MTUS2: variants seen among roughly 807,000 people sequenced by gnomAD.
MTUS2 encodes microtubule associated scaffold protein 2, also known as microtubule-associated tumor suppressor candidate 2.
MTUS2 carries 40 observed loss-of-function variants against 114.1 expected under a neutral mutation model. The observed-to-expected ratio is 0.35, with a 90% confidence interval of 0.27 to 0.46. The LOEUF (loss-of-function observed/expected upper bound fraction) is 0.46, where lower values mean the gene tolerates loss of function less well. Ranked by LOEUF, MTUS2 falls within the 20% of genes least tolerant of loss-of-function variation. The pLI, the probability that MTUS2 is intolerant of heterozygous loss-of-function variation, is 1.00. For synonymous variants in MTUS2, 688 were observed against 672.0 expected (o/e 1.02, Z -0.37); for missense variants, 1,679 against 1,705.4 (o/e 0.98, Z 0.27).
chr13:29,148,154 C>T (rs1049629362), intron 5 of MTUS2, among the ~76,000 whole-genome samples: 2 of 149,970 alleles, frequency 1.3e-5, no homozygotes, highest in Non-Finnish European at 3.0e-5. Flanking sequence ...GAGATGGTAT[C>T]GTATTGTGGT....
At chr13:29,271,094 T>A (rs1013038665) in intron 5 of MTUS2, among the ~76,000 whole-genome samples, 2 of 152,236 alleles carry the variant, frequency 1.3e-5, no homozygotes, top group Admixed American at 6.5e-5. Context: ...TTAAGCATCC[T>A]TCTAGTCTAT....
intron 6 of MTUS2, among the ~76,000 whole-genome samples, chr13:29,312,865 G>T (rs1339049193): frequency 6.6e-6 from 1 of 152,100 alleles, no homozygotes; most frequent in Non-Finnish European, 1.5e-5. Context: ...TTTACAACAT[G>T]CCTGTTTATT....
chr13:28,911,684 A>G (rs1203779542), intron 2 of MTUS2, among the ~76,000 whole-genome samples: 1 of 151,910 alleles, frequency 6.6e-6, no homozygotes, highest in Non-Finnish European at 1.5e-5. Flanking sequence ...TTGACTTTTT[A>G]ATAATTGTCA....
At chr13:28,914,513 G>A (rs1880636328) in intron 2 of MTUS2, among the ~76,000 whole-genome samples, 1 of 151,860 alleles carries the variant, frequency 6.6e-6, no homozygotes, top group Non-Finnish European at 1.5e-5. Context: ...ACTTCTGATT[G>A]TGTGATCAAT....
Position 29,439,991 on chromosome 13 carries a change from T to C in MTUS2, c.3126T>C (p.Ser1042=), listed in dbSNP as rs758810996. The C allele has an allele frequency of 6.3e-7, 1 of 1,583,358 alleles. No individual in the cohort carries two copies. Among genetic ancestry groups the C allele is most frequent in the Non-Finnish European group, 8.6e-7 (1 of 1,162,712 alleles). ...ATQHFFRKNE[S]ALVKEKELSI... ...CGTTTTTGTTTTTTCAGAATGAAAG[T>C]GCCCTTGTGAAAGAAAAAGAGCTGT... The change falls in exon 9 of 16, where the codon AGT becomes AGC. Residue 1042 remains serine (S), a synonymous_variant. Coordinates refer to ENST00000612955, the MANE Select transcript of MTUS2 (RefSeq NM_001033602.4).
chr13:28,870,216 G>A (rs1330331282), intron 2 of MTUS2, among the ~76,000 whole-genome samples: 6 of 152,048 alleles, frequency 3.9e-5, no homozygotes, highest in African/African-American at 1.2e-4. Context: ...TTAGTAAAAA[G>A]GTGTGTGAAA....
chr13:29,064,911 G>A (rs1030781745), intron 4 of MTUS2, among the ~76,000 whole-genome samples: 2 of 152,172 alleles, frequency 1.3e-5, no homozygotes, highest in African/African-American at 4.8e-5. Context: ...GTTTGCTAAG[G>A]AGAGTGACCT....
At chr13:29,348,059 T>C (rs1265626100) in intron 7 of MTUS2, among the ~76,000 whole-genome samples, 2 of 151,618 alleles carry the variant, frequency 1.3e-5, no homozygotes, top group African/African-American at 2.4e-5. Context: ...TCCTATACTT[T>C]AGGGATTTTT....
At chr13:29,280,926 A>G (rs368199246) in intron 5 of MTUS2, among the ~76,000 whole-genome samples, 32 of 152,258 alleles carry the variant, frequency 2.1e-4, no homozygotes, top group African/African-American at 7.5e-4. Context: ...AGGCCAAACA[A>G]CTTTGCGTAT....
intron 2 of MTUS2, among the ~76,000 whole-genome samples, chr13:28,947,701 C>G (rs1490858049): frequency 6.6e-6 from 1 of 152,192 alleles, no homozygotes; most frequent in Non-Finnish European, 1.5e-5. Flanking sequence ...CCTTTCAGGT[C>G]TTACCCAGTG....
chr13:29,455,574 C>T (rs1346854298), intron 9 of MTUS2, among the ~76,000 whole-genome samples: 3 of 152,168 alleles, frequency 2.0e-5, no homozygotes, highest in African/African-American at 7.2e-5. Flanking sequence ...TAAAGGAAGA[C>T]AGTGTCATAC....
intron 2 of MTUS2, among the ~76,000 whole-genome samples, chr13:28,884,247 A>T (rs1204150421): frequency 1.3e-5 from 2 of 152,246 alleles, no homozygotes; most frequent in Non-Finnish European, 2.9e-5. Flanking sequence ...ATTCTGACCT[A>T]TGCTGAGGTA....
chr13:29,453,395 ACTTGATTGAACACAGATGTACC>A (rs1043136463), intron 9 of MTUS2, among the ~76,000 whole-genome samples: 4 of 152,160 alleles, frequency 2.6e-5, no homozygotes, highest in African/African-American at 9.7e-5. Context: ...CATTTTATAA[ACTTGATTGAACACAGATGTACC>A]CTTTGCTATG....
At chr13:29,389,653 G>T (rs1284270983) in intron 8 of MTUS2, among the ~76,000 whole-genome samples, 1 of 141,834 alleles carries the variant, frequency 7.1e-6, no homozygotes, top group Non-Finnish European at 1.5e-5. Context: ...ATGTATATAC[G>T]TATATATGTA....
intron 2 of MTUS2, among the ~76,000 whole-genome samples, chr13:28,882,657 A>C (rs560041015): frequency 4.6e-5 from 7 of 152,272 alleles, no homozygotes; most frequent in Admixed American, 3.3e-4. Context: ...AGCTCACTTG[A>C]GCCCAGGAGT....
chr13:29,416,825 GT>G (rs1306612899), intron 8 of MTUS2, among the ~76,000 whole-genome samples: 32 of 149,732 alleles, frequency 2.1e-4, no homozygotes, highest in African/African-American at 7.1e-4. Context: ...TTGCCTAGAG[GT>G]TTTGTTTTGT....
chr13:29,028,976 A>G (rs1886690180), intron 3 of MTUS2, among the ~76,000 whole-genome samples: 1 of 152,236 alleles, frequency 6.6e-6, no homozygotes, highest in African/African-American at 2.4e-5. Context: ...TAAAGAATGC[A>G]TCAATCACAA....
At chr13:29,336,917 C>T (rs1901092837) in intron 7 of MTUS2, among the ~76,000 whole-genome samples, 1 of 152,214 alleles carries the variant, frequency 6.6e-6, no homozygotes, top group African/African-American at 2.4e-5. Flanking sequence ...CCAGTTCAAA[C>T]CTCCCAGCAG....
intron 2 of MTUS2, among the ~76,000 whole-genome samples, chr13:28,968,434 C>T (rs1449903223): frequency 6.6e-6 from 1 of 152,074 alleles, no homozygotes; most frequent in African/African-American, 2.4e-5. Context: ...CAGTGAATAT[C>T]AGAAAAATGT....
Sources: gnomAD v4.1 joint callset for allele counts (sites outside exome capture counted in the v4.1 genomes callset) on GRCh38, gnomAD v4.1.1 for gene constraint, MANE v1.5 for transcripts, NCBI Gene and HGNC (gene_info 2026-07-23, HGNC 2026-07-21) for gene names.